Variants in RPRD1A observed in about 807,000 individuals in gnomAD.
RPRD1A encodes the protein regulation of nuclear pre-mRNA domain containing 1A.
RPRD1A carries 9 observed loss-of-function variants against 37.8 expected under a neutral mutation model. The observed-to-expected ratio is 0.24, with a 90% CI of 0.14 to 0.42. The LOEUF (loss-of-function observed/expected upper bound fraction) is 0.42, where lower values mean the gene tolerates loss of function less well. RPRD1A is among the 10% of genes least tolerant of loss of function. RPRD1A has a pLI of 1.00. For missense variants in RPRD1A, 255 were observed against 371.0 expected, an observed-to-expected ratio of 0.69 and a Z score of 2.57; for synonymous variants, 138 against 139.7, an observed-to-expected ratio of 0.99 and a Z score of 0.08.
At chr18:36,015,543 A>G (rs1258390026) in intron 6 of RPRD1A, among the ~76,000 whole-genome samples, 1 of 152,196 alleles carries the variant, frequency 6.6e-6, no homozygotes, top group Non-Finnish European at 1.5e-5. Context: ...TAGCAGCATT[A>G]TTCACAATAG....
chr18:36,065,247 CAAA>C (rs2089005541), intron 1 of RPRD1A, among the ~76,000 whole-genome samples: 1 of 152,162 alleles, frequency 6.6e-6, no homozygotes, highest in Non-Finnish European at 1.5e-5. Flanking sequence ...TATCTATAAA[CAAA>C]AGAAGTACTG....
intron 1 of RPRD1A, among the ~76,000 whole-genome samples, chr18:36,054,174 A>G (rs1444402620): frequency 7.2e-6 from 1 of 139,396 alleles, no homozygotes; most frequent in African/African-American, 2.7e-5. Context: ...CACCCACACT[A>G]ATTGATTTAC....
chr18:36,040,040 CTCAT>C (rs1912474803), intron 1 of RPRD1A, among the ~76,000 whole-genome samples: 1 of 152,116 alleles, frequency 6.6e-6, no homozygotes, highest in African/African-American at 2.4e-5. Context: ...ACTAGACATC[CTCAT>C]TTATTTCCCT....
intron 1 of RPRD1A, among the ~76,000 whole-genome samples, chr18:36,044,017 C>T (rs531284393): frequency 2.6e-5 from 4 of 152,228 alleles, no homozygotes; most frequent in Admixed American, 2.6e-4. Flanking sequence ...TGTATTCTGA[C>T]ACTAAAGTAA....
At chr18:36,018,082 A>G (rs537054316) in intron 6 of RPRD1A, among the ~76,000 whole-genome samples, 10 of 152,328 alleles carry the variant, frequency 6.6e-5, no homozygotes, top group Non-Finnish European at 1.3e-4. Flanking sequence ...GCATGCCTTG[A>G]ACACACAGCC....
intron 1 of RPRD1A, among the ~76,000 whole-genome samples, chr18:36,042,205 C>T (rs1038603994): frequency 6.6e-6 from 1 of 152,188 alleles, no homozygotes; most frequent in Non-Finnish European, 1.5e-5. Context: ...CCCTGACCAA[C>T]GAGCCCACAT....
intron 6 of RPRD1A, among the ~76,000 whole-genome samples, chr18:36,021,654 C>A (rs1911001053): frequency 6.6e-6 from 1 of 152,162 alleles, no homozygotes; most frequent in Non-Finnish European, 1.5e-5. Context: ...GCCACTTGCA[C>A]CAATTAGCCA....
intron 1 of RPRD1A, chr18:36,052,743 C>A (rs569755012): frequency 6.6e-6 from 1 of 152,134 alleles, no homozygotes; most frequent in Admixed American, 6.5e-5. Flanking sequence ...GGATTACAGG[C>A]ATGTGCCACC....
chr18:36,066,835 G>T lies in RPRD1A; in HGVS notation c.151+419C>A, dbSNP rs192831711. ...AACTATTCCTCTATTAATTTCACAAGAATAAGTTGCTGCGTTACAGAAATG... is the reference window on the plus strand; with the variant it reads ...AACTATTCCTCTATTAATTTCACAATAATAAGTTGCTGCGTTACAGAAATG... On this transcript the variant is annotated intron_variant, in intron 1 of 6. Coordinates refer to ENST00000399022, the MANE Select transcript of RPRD1A (RefSeq NM_018170.5). 4.6e-4 allele frequency among the ~76,000 whole-genome samples: 70 copies of T among 152,172 alleles called. No homozygotes were observed. In the East Asian group the frequency reaches 8.7e-3, roughly 19 times the overall value.
At chr18:36,033,543 A>G (rs1407553119) in intron 2 of RPRD1A, among the ~76,000 whole-genome samples, 165 bp downstream of exon 2, 3 of 152,204 alleles carry the variant, frequency 2.0e-5, no homozygotes, top group Non-Finnish European at 4.4e-5. Flanking sequence ...CAGAGAAGGC[A>G]TTTAATACAT....
intron 1 of RPRD1A, among the ~76,000 whole-genome samples, chr18:36,057,645 A>C (rs184329162): frequency 1.0e-3 from 157 of 152,270 alleles, no homozygotes; most frequent in African/African-American, 3.6e-3. Flanking sequence ...AGTTTATCTA[A>C]ATGTGTATTA....
chr18:36,022,374 A>G (rs1911053230), intron 6 of RPRD1A, among the ~76,000 whole-genome samples: 1 of 152,228 alleles, frequency 6.6e-6, no homozygotes, highest in African/African-American at 2.4e-5. Context: ...TCCATGTAGA[A>G]AAAAGAGCCT....
At chr18:36,062,173 C>A (rs947504849) in intron 1 of RPRD1A, among the ~76,000 whole-genome samples, 7 of 151,178 alleles carry the variant, frequency 4.6e-5, no homozygotes, top group Non-Finnish European at 1.0e-4. Context: ...AAAAATTAGC[C>A]GGGCGCGGTG....
chr18:36,016,148 C>G (rs2144225464), intron 6 of RPRD1A, among the ~76,000 whole-genome samples: 1 of 152,300 alleles, frequency 6.6e-6, no homozygotes, highest in East Asian at 1.9e-4. Context: ...ACAGAGTGGA[C>G]CAAATGAATT....
Position 36,043,442 on chromosome 18 carries a change from T to C in RPRD1A, c.152-9605A>G, listed in dbSNP as rs552125670. On this transcript the variant is annotated intron_variant, in intron 1 of 6. Coordinates refer to ENST00000399022, the MANE Select transcript of RPRD1A (RefSeq NM_018170.5). ...TCCAGGCAAAGGAACATCTTTTCCATTCTAAAAGGCCAAAGGAAATGCAAA... is the reference window on the plus strand; with the variant it reads ...TCCAGGCAAAGGAACATCTTTTCCACTCTAAAAGGCCAAAGGAAATGCAAA... Among the ~76,000 whole-genome samples, 61 of 152,252 alleles carry C rather than the reference T, an allele frequency of 4.0e-4. 1 individual carries two copies. The South Asian group carries it at 0.011, about 26-fold the overall frequency.
chr18:36,009,110 T>C (rs899063715), intron 6 of RPRD1A, among the ~76,000 whole-genome samples: 1 of 152,184 alleles, frequency 6.6e-6, no homozygotes, highest in Non-Finnish European at 1.5e-5. Flanking sequence ...TTGAGCTTTC[T>C]TTCTTATGTA....
At chr18:35,995,664 TC>T (rs1317864415) in intron 6 of RPRD1A, among the ~76,000 whole-genome samples, 1 of 152,224 alleles carries the variant, frequency 6.6e-6, no homozygotes, top group African/African-American at 2.4e-5. Flanking sequence ...CTGAAAAGTT[TC>T]CCACTTCTTA....
At chr18:36,040,030 A>C (rs1912473683) in intron 1 of RPRD1A, among the ~76,000 whole-genome samples, 1 of 152,240 alleles carries the variant, frequency 6.6e-6, no homozygotes, top group African/African-American at 2.4e-5. Flanking sequence ...ATTAACAATT[A>C]CTAGACATCC....
At chr18:36,040,295 G>C (rs1231683942) in intron 1 of RPRD1A, among the ~76,000 whole-genome samples, 1 of 152,118 alleles carries the variant, frequency 6.6e-6, no homozygotes, top group Non-Finnish European at 1.5e-5. Flanking sequence ...TTAGCTACTA[G>C]GAATAAAAGA....
Sources: allele counts gnomAD v4.1 joint callset (sites outside exome capture counted in the v4.1 genomes callset), GRCh38; gene constraint gnomAD v4.1.1; transcripts MANE v1.5; gene names NCBI Gene and HGNC (gene_info 2026-07-23, HGNC 2026-07-21).